The following CDK19 variants were observed in gnomAD, a reference collection of about 807,000 sequenced individuals.
CDK19 encodes the protein cyclin dependent kinase 19.
CDK19 carries 20 observed loss-of-function variants against 68.3 expected under a neutral mutation model. That is an observed-to-expected ratio of 0.29 (90% CI 0.21 to 0.43). The LOEUF (loss-of-function observed/expected upper bound fraction) is 0.43. Ranked by LOEUF, CDK19 falls within the 20% of genes least tolerant of loss-of-function variation. The pLI is 1.00. For synonymous variants in CDK19, 221 were observed against 222.8 expected (o/e 0.99, Z 0.07); for missense variants, 339 against 623.5 (o/e 0.54, Z 4.86).
intron 2 of CDK19, among the ~76,000 whole-genome samples, chr6:110,735,927 G>A (rs1205997896): frequency 6.6e-6 from 1 of 152,174 alleles, no homozygotes; most frequent in Non-Finnish European, 1.5e-5. Context: ...GAGAATGACC[G>A]GAAAGTTCAG....
intron 1 of CDK19, among the ~76,000 whole-genome samples, chr6:110,814,429 C>T (rs1263877930): frequency 6.6e-6 from 1 of 152,250 alleles, no homozygotes; most frequent in East Asian, 1.9e-4. Context: ...GGGAGGACTG[C>T]ATAGAGAAGC....
chr6:110,797,782 C>T (rs802680), intron 1 of CDK19, among the ~76,000 whole-genome samples: 23,789 of 152,018 alleles, frequency 0.16, 2,077 homozygotes, highest in East Asian at 0.32. Context: ...GTCAGAAGTT[C>T]GAGACCAGGC....
intron 1 of CDK19, among the ~76,000 whole-genome samples, chr6:110,801,746 C>T (rs1476893680): frequency 1.3e-5 from 2 of 152,126 alleles, no homozygotes; most frequent in African/African-American, 4.8e-5. Flanking sequence ...CTCCTGACCT[C>T]GTGATCCACC....
chr6:110,796,005 G>C (rs963171424), intron 1 of CDK19, among the ~76,000 whole-genome samples: 1 of 152,134 alleles, frequency 6.6e-6, no homozygotes, highest in Non-Finnish European at 1.5e-5. Flanking sequence ...AAGTAATTTA[G>C]TAACTACTTA....
At chr6:110,805,554 C>T (rs116080937) in intron 1 of CDK19, among the ~76,000 whole-genome samples, 2,046 of 152,206 alleles carry the variant, frequency 0.013, 49 homozygotes, top group African/African-American at 0.047. Flanking sequence ...CCCACATATA[C>T]TCAGGTCCTG....
intron 2 of CDK19, among the ~76,000 whole-genome samples, chr6:110,707,760 T>G (rs1455153852): frequency 1.3e-5 from 2 of 152,040 alleles, no homozygotes; most frequent in African/African-American, 4.8e-5. Context: ...TCACCTGAGG[T>G]CAGGAGTTTG....
At chr6:110,785,259 GCAAA>G (rs1377448048) in intron 1 of CDK19, among the ~76,000 whole-genome samples, 20 of 151,922 alleles carry the variant, frequency 1.3e-4, no homozygotes, top group Non-Finnish European at 2.9e-5. Flanking sequence ...TGCTCCACAG[GCAAA>G]CAGTTGATCC....
chr6:110,616,252 G>A (rs1778307093), intron 12 of CDK19, among the ~76,000 whole-genome samples: 1 of 152,164 alleles, frequency 6.6e-6, no homozygotes, highest in African/African-American at 2.4e-5. Flanking sequence ...TCTTGAGGTG[G>A]CACTGGGGGT....
At chr6:110,633,874 G>A (rs567296156) in intron 5 of CDK19, among the ~76,000 whole-genome samples, 1 of 152,238 alleles carries the variant, frequency 6.6e-6, no homozygotes, top group African/African-American at 2.4e-5. Flanking sequence ...AAATAAACAT[G>A]CCAGTACTCA....
chr6:110,806,498 T>C (rs1455938443), intron 1 of CDK19, among the ~76,000 whole-genome samples: 1 of 152,210 alleles, frequency 6.6e-6, no homozygotes, highest in Non-Finnish European at 1.5e-5. Flanking sequence ...TCTAGGACTT[T>C]AACTTACAGA....
chr6:110,785,276 G>C (rs1003512580), intron 1 of CDK19, among the ~76,000 whole-genome samples: 1 of 151,994 alleles, frequency 6.6e-6, no homozygotes, highest in Admixed American at 6.6e-5. Flanking sequence ...GTTGATCCTT[G>C]AACAACACAG....
intron 12 of CDK19, among the ~76,000 whole-genome samples, chr6:110,617,070 GT>G (rs1222038446): frequency 6.6e-5 from 10 of 152,192 alleles, no homozygotes; most frequent in African/African-American, 2.4e-4. Context: ...AGGAGCAAAA[GT>G]TTTTCTCTGA....
rs141059012 is a variant in CDK19, at chr6:110,675,821, G to A, written c.205-5280C>T. On this transcript the variant is annotated intron_variant, in intron 2 of 12. Transcript: ENST00000368911. ...ATTACTGCTCATTAACAATGCACCT[G>A]GTCACCCAAAAGCTCTGATTGAGAT... Among the ~76,000 whole-genome samples the A allele has an allele frequency of 9.9e-4, 151 of 152,194 alleles. 1 individual carries two copies. Among genetic ancestry groups the A allele is most frequent in the African/African-American group, 3.3e-3 (139 of 41,514 alleles).
intron 6 of CDK19, among the ~76,000 whole-genome samples, chr6:110,629,544 G>A (rs188326284): frequency 9.2e-5 from 14 of 152,228 alleles, no homozygotes; most frequent in Admixed American, 5.9e-4. Context: ...TGGTAGAGAC[G>A]GGGATTCACC....
At chr6:110,629,715 T>G (rs1779323288) in intron 6 of CDK19, among the ~76,000 whole-genome samples, 1 of 152,220 alleles carries the variant, frequency 6.6e-6, no homozygotes, top group Non-Finnish European at 1.5e-5. Flanking sequence ...TGAATAAGTA[T>G]GTACTTATAA....
intron 4 of CDK19, among the ~76,000 whole-genome samples, chr6:110,660,602 AG>A: frequency 6.7e-6 from 1 of 150,128 alleles, no homozygotes; most frequent in Admixed American, 6.6e-5. Flanking sequence ...CTCAGCAGGA[AG>A]GGGAGCTGAA....
chr6:110,802,538 A>T (rs1206591548), intron 1 of CDK19, among the ~76,000 whole-genome samples: 1 of 152,230 alleles, frequency 6.6e-6, no homozygotes, highest in Non-Finnish European at 1.5e-5. Context: ...GGGGAAAAAC[A>T]GAGGAAAAAG....
At chr6:110,651,584 G>A (rs960906601) in intron 4 of CDK19, among the ~76,000 whole-genome samples, 2 of 152,002 alleles carry the variant, frequency 1.3e-5, no homozygotes, top group African/African-American at 2.4e-5. Context: ...AAATACATTC[G>A]TATTCCTGGA....
intron 4 of CDK19, among the ~76,000 whole-genome samples, chr6:110,651,239 A>ATCTATCTATCTG (rs1780945930): frequency 2.0e-5 from 3 of 150,842 alleles, no homozygotes; most frequent in African/African-American, 2.5e-5. Context: ...TCTACTATCT[A>ATCTATCTATCTG]TCTATCTATC....
Sources: gnomAD v4.1 joint callset for allele counts (sites outside exome capture counted in the v4.1 genomes callset) on GRCh38, gnomAD v4.1.1 for gene constraint, MANE v1.5 for transcripts, NCBI Gene and HGNC (gene_info 2026-07-23, HGNC 2026-07-21) for gene names.